PPDPFL: variants seen among roughly 807,000 people sequenced by gnomAD.
PPDPFL encodes the protein pancreatic progenitor cell differentiation and proliferation factor like.
A neutral mutation model predicts 12.6 loss-of-function variants in PPDPFL; 12 were observed. That is an observed-to-expected ratio of 0.95 (90% CI 0.61 to 1.54). The LOEUF (loss-of-function observed/expected upper bound fraction) is 1.54. Among genes scored for constraint, PPDPFL ranks in the 40% most tolerant of loss-of-function variants. The pLI is 0.00. For synonymous variants in PPDPFL, 24 were observed against 32.7 expected (o/e 0.73, Z 0.91); for missense variants, 114 against 96.0 (o/e 1.19, Z -0.78).
chr8:49,074,392 A>G, intron 4 of PPDPFL, 59 bp downstream of exon 4: 1 of 1,589,788 alleles, frequency 6.3e-7, no homozygotes, highest in Non-Finnish European at 8.6e-7. Context: ...AATAATGCAT[A>G]TGGTATGTGT....
chr8:49,057,782 T>C (rs768835985), intron 1 of PPDPFL, among the ~76,000 whole-genome samples: 11 of 152,192 alleles, frequency 7.2e-5, no homozygotes, highest in Non-Finnish European at 1.5e-4. Flanking sequence ...CATGTCTTCA[T>C]AGAGTTTTGC....
intron 1 of PPDPFL, among the ~76,000 whole-genome samples, chr8:49,056,999 A>G (rs1808120934): frequency 6.6e-6 from 1 of 152,144 alleles, no homozygotes; most frequent in African/African-American, 2.4e-5. Context: ...TAAACTCCCC[A>G]GTTTTGTTGC....
intron 4 of PPDPFL, chr8:49,074,926 C>T (rs945726889): frequency 1.0e-5 from 14 of 1,379,440 alleles, no homozygotes; most frequent in Non-Finnish European, 1.3e-5. Flanking sequence ...TCATAGATGC[C>T]AATGTTGAAA....
intron 1 of PPDPFL, among the ~76,000 whole-genome samples, chr8:49,055,763 A>G (rs1185814039): frequency 6.6e-6 from 1 of 152,068 alleles, no homozygotes; most frequent in Admixed American, 6.6e-5. Context: ...CATGGCATAC[A>G]AGAAAGACAC....
chr8:49,061,638 G>T (rs1415700529), intron 1 of PPDPFL, among the ~76,000 whole-genome samples: 1 of 152,156 alleles, frequency 6.6e-6, no homozygotes, highest in African/African-American at 2.4e-5. Flanking sequence ...GACTGGTGCT[G>T]GGTGTTGCCA....
In PPDPFL at chr8:49,072,878, T is replaced by C; in HGVS notation, c.48T>C (p.Tyr16=). Residue 16 remains tyrosine (Y), a synonymous_variant, in exon 2 of 5, where the codon TAT becomes TAC. Transcript: ENST00000522267. ...SIGCLLARNQ[Y]YRKSSVSSVS... is the part of the protein sequence containing the mutation. ...GTTGCCTTCTAGCCAGAAATCAGTA[T>C]TATCGAAGTAAGTTGCATCATCATA... The C allele has an allele frequency of 6.2e-7, 1 of 1,606,480 alleles. No individual in the cohort carries two copies. Among genetic ancestry groups the C allele is most frequent in the Non-Finnish European group, 8.5e-7 (1 of 1,177,040 alleles).
In PPDPFL at chr8:49,061,679, T is replaced by C. The variant is rs954845939; in HGVS notation, c.-45+7310T>C. 2.6e-5 allele frequency among the ~76,000 whole-genome samples: 4 copies of C among 151,208 alleles called. 1 individual carries two copies. Among genetic ancestry groups the C allele is most frequent in the Admixed American group, 2.6e-4 (4 of 15,172 alleles). On this transcript the variant is annotated intron_variant, in intron 1 of 4. Coordinates refer to the PPDPFL transcript ENST00000517663. ...TTGGAGAAAATCTGCCAGAGGAGAGTGGGGAATATTGATGTAAGGAGAAAG... is the reference window on the plus strand; with the variant it reads ...TTGGAGAAAATCTGCCAGAGGAGAGCGGGGAATATTGATGTAAGGAGAAAG...
intron 2 of PPDPFL, among the ~76,000 whole-genome samples, chr8:49,073,457 A>T (rs1272983003): frequency 2.0e-5 from 3 of 152,230 alleles, no homozygotes; most frequent in Non-Finnish European, 4.4e-5. Context: ...CTATGGCAAC[A>T]ACACATAGAA....
At chr8:49,069,238 A>T (rs1808344006), upstream of PPDPFL, among the ~76,000 whole-genome samples, 2 of 152,196 alleles carry the variant, frequency 1.3e-5, no homozygotes, top group Admixed American at 1.3e-4. Flanking sequence ...ATATACAGGA[A>T]ACTGGTAGAT....
At chr8:49,062,023 C>G (rs769799989) in intron 1 of PPDPFL, among the ~76,000 whole-genome samples, 2 of 152,240 alleles carry the variant, frequency 1.3e-5, no homozygotes, top group Non-Finnish European at 2.9e-5. Context: ...CTTGCTGGAT[C>G]TACACCTATG....
intron 2 of PPDPFL, among the ~76,000 whole-genome samples, chr8:49,073,661 T>A (rs1404521724): frequency 2.6e-5 from 4 of 152,200 alleles, no homozygotes; most frequent in African/African-American, 9.6e-5. Flanking sequence ...TCCAAATAAT[T>A]CCTTAATTTC....
At chr8:49,063,410 A>G (rs1383784028) in intron 1 of PPDPFL, among the ~76,000 whole-genome samples, 1 of 152,144 alleles carries the variant, frequency 6.6e-6, no homozygotes. Flanking sequence ...GGCTGATACT[A>G]ATGCTACTTT....
At chr8:49,069,791 C>G (rs559075875), upstream of PPDPFL, among the ~76,000 whole-genome samples, 1 of 152,046 alleles carries the variant, frequency 6.6e-6, no homozygotes, top group Non-Finnish European at 1.5e-5. Context: ...AAAAATTAGT[C>G]GGGCATGGTA....
intron 1 of PPDPFL, among the ~76,000 whole-genome samples, chr8:49,066,412 G>T (rs1037471771): frequency 6.6e-6 from 1 of 152,212 alleles, no homozygotes; most frequent in Non-Finnish European, 1.5e-5. Context: ...ACTTGGGCAA[G>T]TGCTTCTCTG....
intron 1 of PPDPFL, among the ~76,000 whole-genome samples, chr8:49,064,955 G>T (rs1025717879): frequency 2.0e-5 from 3 of 152,154 alleles, no homozygotes; most frequent in Non-Finnish European, 4.4e-5. Context: ...AGACAATAAA[G>T]GGTGTTCATG....
At chr8:49,056,629 C>T (rs1434089946) in intron 1 of PPDPFL, among the ~76,000 whole-genome samples, 1 of 152,240 alleles carries the variant, frequency 6.6e-6, no homozygotes, top group East Asian at 1.9e-4. Flanking sequence ...GTGCAGTGAG[C>T]CTGCCAGATA....
intron 1 of PPDPFL, among the ~76,000 whole-genome samples, chr8:49,064,756 C>T (rs560247364): frequency 6.8e-4 from 104 of 152,254 alleles, no homozygotes; most frequent in South Asian, 2.1e-3. Flanking sequence ...ATTTCATAGA[C>T]GAGGATCTGA....
chr8:49,071,910 G>T (rs1435898084), upstream of PPDPFL, among the ~76,000 whole-genome samples: 2 of 152,054 alleles, frequency 1.3e-5, no homozygotes, highest in Non-Finnish European at 2.9e-5. Flanking sequence ...TTCTTGCTCC[G>T]CTTTGACCGT....
upstream of PPDPFL, among the ~76,000 whole-genome samples, chr8:49,070,337 C>A (rs916923813): frequency 5.3e-5 from 8 of 152,268 alleles, no homozygotes; most frequent in East Asian, 1.2e-3. Flanking sequence ...ACAGCAAATG[C>A]CACAACACGT....
Sources: gnomAD v4.1 joint callset for allele counts (sites outside exome capture counted in the v4.1 genomes callset) on GRCh38, gnomAD v4.1.1 for gene constraint, MANE v1.5 for transcripts, NCBI Gene and HGNC (gene_info 2026-07-23, HGNC 2026-07-21) for gene names.